Variants in TRMT11 observed in about 807,000 individuals in gnomAD.
TRMT11 encodes tRNA methyltransferase 11.
A neutral mutation model predicts 62.8 loss-of-function variants in TRMT11; 53 were observed. The observed-to-expected ratio is 0.84, with a 90% CI of 0.68 to 1.06. The LOEUF (loss-of-function observed/expected upper bound fraction) is 1.06. Among genes scored for constraint, TRMT11 ranks in the 50% least tolerant of loss-of-function variants. TRMT11 has a pLI of 0.00. For missense variants in TRMT11, 556 were observed against 553.4 expected, an observed-to-expected ratio of 1.00 and a Z score of -0.05; for synonymous variants, 188 against 190.3, an observed-to-expected ratio of 0.99 and a Z score of 0.10.
At chr6:126,170,051 C>A (rs1778312954) in intron 21 of TRMT11, among the ~76,000 whole-genome samples, 1 of 152,008 alleles carries the variant, frequency 6.6e-6, no homozygotes, top group Non-Finnish European at 1.5e-5. Flanking sequence ...CCTTTCCATG[C>A]TGCTGTATTT....
intron 21 of TRMT11, among the ~76,000 whole-genome samples, chr6:126,129,228 C>T (rs986897233): frequency 6.6e-6 from 1 of 152,076 alleles, no homozygotes; most frequent in African/African-American, 2.4e-5. Flanking sequence ...ACAATGTGCG[C>T]AACTTGAGAT....
chr6:126,093,627 A>G (rs1484425657), intron 17 of TRMT11, among the ~76,000 whole-genome samples: 3 of 94,636 alleles, frequency 3.2e-5, no homozygotes, highest in Admixed American at 1.2e-4. Context: ...ATATATATAT[A>G]TATATTTTCC....
the TRMT11 span, among the ~76,000 whole-genome samples, chr6:126,236,826 G>A: frequency 1.0e-3 from 154 of 152,180 alleles, no homozygotes; most frequent in Non-Finnish European, 1.9e-3. Flanking sequence ...TATTTCCATG[G>A]AGATATCATT....
downstream of TRMT11, among the ~76,000 whole-genome samples, chr6:126,203,838 A>T (rs1017318636): frequency 2.0e-5 from 3 of 152,180 alleles, no homozygotes; most frequent in African/African-American, 7.2e-5. Flanking sequence ...AGAATGATTC[A>T]TTAAAAAATC....
At chr6:126,021,084 T>C in intron 11 of TRMT11, 76 bp from the exon 12 acceptor site, 1 of 1,557,904 alleles carries the variant, frequency 6.4e-7, no homozygotes, top group Non-Finnish European at 8.8e-7. Context: ...CATCCCACAC[T>C]ACACTGGACG....
intron 21 of TRMT11, among the ~76,000 whole-genome samples, chr6:126,145,631 A>G (rs546819687): frequency 6.6e-6 from 1 of 152,288 alleles, no homozygotes; most frequent in African/African-American, 2.4e-5. Flanking sequence ...AGAGAAGGTC[A>G]GTAACGACTT....
chr6:126,236,788 G>C, the TRMT11 span, among the ~76,000 whole-genome samples: 1 of 152,122 alleles, frequency 6.6e-6, no homozygotes, highest in Non-Finnish European at 1.5e-5. Flanking sequence ...CATTGATTGG[G>C]GAGGGGATAC....
intron 21 of TRMT11, among the ~76,000 whole-genome samples, chr6:126,156,444 A>G (rs1562336142): frequency 2.6e-5 from 4 of 152,162 alleles, no homozygotes; most frequent in Admixed American, 1.3e-4. Flanking sequence ...TATAGGTGGG[A>G]GCTGTCAAGC....
At chr6:126,053,814 G>A (rs527981460) in intron 17 of TRMT11, among the ~76,000 whole-genome samples, 14 of 152,130 alleles carry the variant, frequency 9.2e-5, no homozygotes, top group Non-Finnish European at 1.0e-4. Context: ...TTAAAAACAC[G>A]TGAGAGAGGA....
chr6:126,103,373 A>G (rs1015866749), intron 17 of TRMT11, among the ~76,000 whole-genome samples: 1 of 152,224 alleles, frequency 6.6e-6, no homozygotes, highest in African/African-American at 2.4e-5. Flanking sequence ...TATTTGAGTT[A>G]AAGTTGTATA....
At chr6:126,063,339 A>G (rs912272254) in intron 17 of TRMT11, among the ~76,000 whole-genome samples, 1 of 152,248 alleles carries the variant, frequency 6.6e-6, no homozygotes, top group African/African-American at 2.4e-5. Context: ...AGACTATACC[A>G]TGTTGTACCA....
At chr6:126,229,457 C>T in the TRMT11 span, among the ~76,000 whole-genome samples, 38 of 152,172 alleles carry the variant, frequency 2.5e-4, no homozygotes, top group South Asian at 6.8e-3. Flanking sequence ...CTTGGGAGGA[C>T]GGTATGGGCA....
At chr6:125,989,152 C>T (rs756448586) in intron 1 of TRMT11, among the ~76,000 whole-genome samples, 5 of 115,900 alleles carry the variant, frequency 4.3e-5, no homozygotes, top group Non-Finnish European at 8.3e-5. Flanking sequence ...TTTTTTGAGA[C>T]GGAGTCTCGC....
chr6:126,265,373 A>C, the TRMT11 span, among the ~76,000 whole-genome samples: 21 of 152,132 alleles, frequency 1.4e-4, no homozygotes, highest in African/African-American at 4.8e-4. Flanking sequence ...ACATTTTTAT[A>C]AATTATCCCA....
the TRMT11 span, among the ~76,000 whole-genome samples, chr6:126,223,054 G>A: frequency 6.6e-6 from 1 of 152,172 alleles, no homozygotes; most frequent in African/African-American, 2.4e-5. Flanking sequence ...TATCTGAAAA[G>A]AAATTTTATT....
intron 17 of TRMT11, among the ~76,000 whole-genome samples, chr6:126,086,675 T>C (rs1178002769): frequency 1.3e-5 from 2 of 152,206 alleles, no homozygotes; most frequent in African/African-American, 4.8e-5. Context: ...AAGTTCATGA[T>C]CTTTGGCATT....
the TRMT11 span, among the ~76,000 whole-genome samples, chr6:126,252,222 G>C: frequency 6.6e-6 from 1 of 152,246 alleles, no homozygotes; most frequent in Non-Finnish European, 1.5e-5. Context: ...AGCTGGGACA[G>C]CTGGGACTTG....
At chr6:126,184,712 T>C (rs1268901961) in intron 1 of TRMT11, among the ~76,000 whole-genome samples, 2 of 152,170 alleles carry the variant, frequency 1.3e-5, no homozygotes, top group African/African-American at 2.4e-5. Context: ...CTGAGAAAGA[T>C]TGTAGACCCA....
chr6:126,190,885 A>G (rs1396368799), intron 1 of TRMT11, among the ~76,000 whole-genome samples: 2 of 152,200 alleles, frequency 1.3e-5, no homozygotes, highest in Non-Finnish European at 2.9e-5. Context: ...GCTAATGTAA[A>G]TAGTGCTGCA....
Sources: gnomAD v4.1 joint callset for allele counts (sites outside exome capture counted in the v4.1 genomes callset) on GRCh38, gnomAD v4.1.1 for gene constraint, MANE v1.5 for transcripts, NCBI Gene and HGNC (gene_info 2026-07-23, HGNC 2026-07-21) for gene names.